The following SEC23B variants were observed in gnomAD, a reference collection of about 807,000 sequenced individuals.
The protein encoded by SEC23B is protein transport protein Sec23B.
In SEC23B, 77 loss-of-function variants were observed where a neutral mutation model predicts 104.3. The observed-to-expected ratio is 0.74, with a 90% CI of 0.61 to 0.89. The LOEUF is 0.89. Ranked by LOEUF, SEC23B falls within the 40% of genes least tolerant of loss-of-function variation. The pLI, the probability that SEC23B is intolerant of heterozygous loss-of-function variation, is 0.00. For missense variants in SEC23B, 885 were observed against 949.4 expected, an observed-to-expected ratio of 0.93 and a Z score of 0.89; for synonymous variants, 338 against 332.5, an observed-to-expected ratio of 1.02 and a Z score of -0.18.
chr20:18,518,169 A>C (rs2060047432), intron 4 of SEC23B, among the ~76,000 whole-genome samples: 1 of 152,210 alleles, frequency 6.6e-6, no homozygotes, highest in Admixed American at 6.5e-5. Context: ...ATCGGACTGT[A>C]TAGAGGTGGG....
chr20:18,537,043 C>T (rs1237265552), intron 12 of SEC23B, among the ~76,000 whole-genome samples: 3 of 152,244 alleles, frequency 2.0e-5, no homozygotes, highest in Middle Eastern at 3.4e-3. Context: ...ATAAGTGGAC[C>T]TGTACAGTTC....
intron 5 of SEC23B, 82 bp from the exon 6 acceptor site, chr20:18,524,853 C>T: frequency 6.8e-7 from 1 of 1,475,166 alleles, no homozygotes; most frequent in Non-Finnish European, 9.4e-7. Flanking sequence ...CCACCACACC[C>T]AGCTGAGGAC....
intron 12 of SEC23B, 62 bp from the exon 13 acceptor site, chr20:18,542,234 G>C: frequency 7.3e-7 from 1 of 1,365,152 alleles, no homozygotes; most frequent in African/African-American, 1.4e-5. Context: ...AGTACAGTGG[G>C]CTCTGTGACC....
chr20:18,551,004 G>C, intron 16 of SEC23B, 85 bp from the exon 17 acceptor site: 1 of 831,404 alleles, frequency 1.2e-6, no homozygotes, highest in Non-Finnish European at 2.1e-6. Flanking sequence ...GTGGATACCA[G>C]GCATGGGATC....
chr20:18,526,679 A>G (rs2060137163), intron 8 of SEC23B, 148 bp downstream of exon 8: 8 of 846,530 alleles, frequency 9.5e-6, no homozygotes, highest in Non-Finnish European at 1.6e-5. Flanking sequence ...GCTGCTGTTA[A>G]ATTATTGCTC....
chr20:18,554,964 AAAC>A lies in SEC23B; in HGVS notation c.2149-141_2149-139del. On this transcript the variant is annotated intron_variant, in intron 18 of 19. Coordinates refer to ENST00000650089, the MANE Select transcript of SEC23B (RefSeq NM_006363.6). ...TAAAGAAATAGATTACTGTGCAGTA[AAAC>A]AATTCTAATTAGATTACTGTGCAGT... 3.2e-4 allele frequency: 23 copies of A among 71,380 alleles called. 9 individuals are homozygous for A. The highest frequency in any genetic ancestry group is 2.2e-3 in the South Asian group (11 of 5,104). 4.4% of individuals were successfully genotyped at this position (71,380 alleles called of 1,614,324 possible).
At position 18,561,255 on chromosome 20, in the gene SEC23B, T is replaced by TAAC. The variant is rs1397674315; in HGVS notation, c.*518_*520dup. 1 of 157,000 alleles carries TAAC rather than the reference T, an allele frequency of 6.4e-6. No individual in the cohort carries two copies. Among genetic ancestry groups the TAAC allele is most frequent in the Non-Finnish European group, 1.4e-5 (1 of 71,138 alleles). 9.7% of individuals were successfully genotyped at this position (157,000 alleles called of 1,614,324 possible). ...AATATACCTTATCCTAAAGAGCTCATAACAAATAAGTTACCTCCACTCTAT... is the reference window on the plus strand; with the variant it reads ...AATATACCTTATCCTAAAGAGCTCATAACAACAAATAAGTTACCTCCACTCTAT... On this transcript the variant is annotated 3_prime_UTR_variant, in exon 20 of 20. Coordinates refer to ENST00000650089, the MANE Select transcript of SEC23B (RefSeq NM_006363.6).
At chr20:18,520,486 C>T (rs561559853) in intron 4 of SEC23B, among the ~76,000 whole-genome samples, 38 of 152,026 alleles carry the variant, frequency 2.5e-4, no homozygotes, top group Middle Eastern at 3.4e-3. Context: ...AGGCTTTGAA[C>T]TGGGGAAAAG....
At chr20:18,511,957 A>T (rs192283066) in intron 2 of SEC23B, among the ~76,000 whole-genome samples, 38 of 152,352 alleles carry the variant, frequency 2.5e-4, no homozygotes, top group South Asian at 6.2e-4. Flanking sequence ...ATAAATCATG[A>T]CATTTAAAAA....
rs75587118 is a variant in SEC23B, at chr20:18,524,372, A to G, written c.367-61A>G. 3.9e-3 allele frequency: 4,990 copies of G among 1,281,594 alleles called. 96 individuals are homozygous for G. The highest frequency in any genetic ancestry group is 0.034 in the South Asian group (2,902 of 84,124). The allele number at this position is 1,281,594 out of a possible 1,614,324, so 79.4% of individuals were successfully genotyped here. A position where few individuals can be genotyped will look rare whatever the true frequency, so the allele number is the denominator to read the frequency against. Reference sequence around the variant, plus strand: ...ACAATTTTCATACCTAATTTGCCTTAAAAAGTGCTGGTTAAGTCTATTTGT... The same window carrying G: ...ACAATTTTCATACCTAATTTGCCTTGAAAAGTGCTGGTTAAGTCTATTTGT... On this transcript the variant is annotated intron_variant, in intron 4 of 19. Transcript: ENST00000650089.
chr20:18,543,822 T>A (rs1261108444), intron 14 of SEC23B, among the ~76,000 whole-genome samples: 1 of 152,212 alleles, frequency 6.6e-6, no homozygotes, highest in African/African-American at 2.4e-5. Context: ...AGAAATTCAC[T>A]TTCTAGAATT....
intron 6 of SEC23B, among the ~76,000 whole-genome samples, 197 bp from the exon 7 acceptor site, chr20:18,525,591 T>C (rs1447066773): frequency 1.3e-5 from 2 of 152,218 alleles, no homozygotes; most frequent in African/African-American, 2.4e-5. Flanking sequence ...AATTGCTAAG[T>C]ACTGGGCTTT....
chr20:18,528,366 C>T (rs2060152584), intron 9 of SEC23B, among the ~76,000 whole-genome samples: 1 of 152,180 alleles, frequency 6.6e-6, no homozygotes, highest in South Asian at 2.1e-4. Flanking sequence ...GCATGAGGTG[C>T]AGCCTGGGCA....
chr20:18,539,356 CAAA>C (rs1347742176), intron 12 of SEC23B, among the ~76,000 whole-genome samples: 1 of 150,284 alleles, frequency 6.7e-6, no homozygotes. Context: ...ATACAAAAAA[CAAA>C]ATTAGCTGGG....
intron 14 of SEC23B, among the ~76,000 whole-genome samples, chr20:18,543,786 G>A (rs932585): frequency 0.93 from 141,402 of 152,236 alleles, 66,469 homozygotes; most frequent in East Asian, 1. Context: ...AGAAGTTACC[G>A]TGGTGCTGTG....
intron 14 of SEC23B, among the ~76,000 whole-genome samples, chr20:18,544,295 AC>A (rs202173231): frequency 7.3e-6 from 1 of 136,564 alleles, no homozygotes; most frequent in Non-Finnish European, 1.7e-5. Context: ...ATCTCATGGA[AC>A]CATTTTTCAG....
In SEC23B at chr20:18,535,745, G is replaced by C. The variant is rs560095545; in HGVS notation, c.1404+3G>C. 6.2e-7 allele frequency: 1 copy of C among 1,608,460 alleles called. No individual in the cohort carries two copies. Among genetic ancestry groups the C allele is most frequent in the Non-Finnish European group, 8.5e-7 (1 of 1,174,888 alleles). ...TCTATTTTGAAGTTGTCAATCAGGT[G>C]AGTTGGATTTCTTCACATGTCTTCA... On this transcript the variant is annotated splice_donor_region_variant and intron_variant, in intron 12 of 19. Transcript: ENST00000650089.
chr20:18,508,563 A>G (rs550945251), intron 1 of SEC23B, among the ~76,000 whole-genome samples: 5 of 152,084 alleles, frequency 3.3e-5, no homozygotes, highest in Admixed American at 2.6e-4. Context: ...ATAACTTCAG[A>G]TGATTAGTGG....
intron 14 of SEC23B, 150 bp from the exon 15 acceptor site, chr20:18,545,806 T>G (rs2060326387): frequency 1.5e-6 from 1 of 679,486 alleles, no homozygotes; most frequent in East Asian, 2.7e-5. Context: ...TCACTGATGC[T>G]TGAGAAGTGC....
Sources: gnomAD v4.1 joint callset for allele counts (sites outside exome capture counted in the v4.1 genomes callset) on GRCh38, gnomAD v4.1.1 for gene constraint, MANE v1.5 for transcripts, NCBI Gene and HGNC (gene_info 2026-07-23, HGNC 2026-07-21) for gene names.